The following RRAGD variants were observed in gnomAD, a reference collection of about 807,000 sequenced individuals.
RRAGD encodes the protein ras-related GTP-binding protein D.
In RRAGD, 12 loss-of-function variants were observed where a neutral mutation model predicts 35.5. That is an observed-to-expected ratio of 0.34 (90% CI 0.22 to 0.55). RRAGD has a LOEUF of 0.55. Ranked by LOEUF, RRAGD falls within the 20% of genes least tolerant of loss-of-function variation. RRAGD has a pLI of 0.91. For missense variants in RRAGD, 324 were observed against 490.1 expected, an observed-to-expected ratio of 0.66 and a Z score of 3.20; for synonymous variants, 155 against 178.9, an observed-to-expected ratio of 0.87 and a Z score of 1.07.
At position 89,389,371 on chromosome 6, in the gene RRAGD, C is replaced by T. The variant is rs552086323; in HGVS notation, c.149-1781G>A. Reference sequence around the variant, plus strand: ...CAGATCAAGACCACCCTGGCTAACACGGTGAAACTCCATCTCTACTAAAAA... The same window carrying T: ...CAGATCAAGACCACCCTGGCTAACATGGTGAAACTCCATCTCTACTAAAAA... On this transcript the variant is annotated intron_variant, in intron 1 of 6. Coordinates refer to ENST00000369415, the MANE Select transcript of RRAGD (RefSeq NM_021244.5). 3.4e-4 allele frequency among the ~76,000 whole-genome samples: 51 copies of T among 151,878 alleles called. 1 individual carries two copies. The highest frequency in any genetic ancestry group is 5.7e-4 in the Non-Finnish European group (39 of 67,964).
chr6:89,385,903 A>G lies in RRAGD; in HGVS notation c.444+1392T>C, dbSNP rs75091375. 8.3e-3 allele frequency among the ~76,000 whole-genome samples: 1,271 copies of G among 152,272 alleles called. 16 individuals carry two copies. The highest frequency in any genetic ancestry group is 0.029 in the African/African-American group (1,196 of 41,548). ...GAATGAACTTACGATCCTCTCAGGC[A>G]TGGGGAGTCTACTCAGAGGATGGTT... is the stretch of plus-strand genomic sequence containing the variant. On this transcript the variant is annotated intron_variant, in intron 2 of 6. Transcript: ENST00000369415.
chr6:89,371,835 CT>C (rs1021471553), intron 6 of RRAGD, among the ~76,000 whole-genome samples: 27 of 152,232 alleles, frequency 1.8e-4, no homozygotes, highest in Middle Eastern at 3.4e-3. Flanking sequence ...AGTTTAATTG[CT>C]TTTGTTTCAA....
At chr6:89,390,570 C>T (rs1282192363) in intron 1 of RRAGD, among the ~76,000 whole-genome samples, 2 of 152,182 alleles carry the variant, frequency 1.3e-5, no homozygotes, top group South Asian at 2.1e-4. Flanking sequence ...GGTGGGAATA[C>T]AAAATGTTGC....
chr6:89,368,331 A>C (rs1768793764), intron 6 of RRAGD, 124 bp from the exon 7 acceptor site: 3 of 729,234 alleles, frequency 4.1e-6, no homozygotes, highest in African/African-American at 1.8e-5. Context: ...TAAGGACCAG[A>C]GATTTCCCTG....
chr6:89,407,970 G>C (rs1023970815), intron 1 of RRAGD, among the ~76,000 whole-genome samples: 8 of 152,096 alleles, frequency 5.3e-5, no homozygotes, highest in Non-Finnish European at 5.9e-5. Context: ...TAAAACATCT[G>C]ATATAGAAAG....
chr6:89,405,411 T>C (rs1769559996), intron 1 of RRAGD, among the ~76,000 whole-genome samples: 1 of 145,080 alleles, frequency 6.9e-6, no homozygotes, highest in African/African-American at 2.6e-5. Context: ...GCAAATGGAA[T>C]GGTTGAAAAA....
chr6:89,411,828 CG>C lies in RRAGD; in HGVS notation c.148+17del, dbSNP rs776800597. ...AGGAAAGGGGCGCGAGCCGAGGACG[CG>C]GGGGCCGGGCGCTCACCTCCCTCCT... is the stretch of plus-strand genomic sequence containing the variant. On this transcript the variant is annotated intron_variant, in intron 1 of 6. Coordinates refer to ENST00000369415, the MANE Select transcript of RRAGD (RefSeq NM_021244.5). This position sits in a 1 kb window ranked among gnomAD's most constrained non-coding sequence, Gnocchi z 5.6. 1.9e-5 allele frequency: 30 copies of C among 1,543,594 alleles called. No homozygotes were observed. The South Asian group carries it at 3.3e-4, about 17-fold the overall frequency.
At chr6:89,409,859 G>A (rs1562470805) in intron 1 of RRAGD, among the ~76,000 whole-genome samples, 1 of 152,202 alleles carries the variant, frequency 6.6e-6, no homozygotes, top group Non-Finnish European at 1.5e-5. Flanking sequence ...AGGCCCAGGT[G>A]GACAGAGACC....
At chr6:89,399,253 T>A (rs568096258) in intron 1 of RRAGD, among the ~76,000 whole-genome samples, 3 of 152,184 alleles carry the variant, frequency 2.0e-5, no homozygotes, top group African/African-American at 7.2e-5. Flanking sequence ...TATGTATGCA[T>A]GTTTACATAC....
rs1034645192 is a variant in RRAGD at position 89,366,254 on chromosome 6, A to C, written c.*1802T>G. 6.6e-6 allele frequency: 1 copy of C among 152,336 alleles called. No individual in the cohort carries two copies. Among genetic ancestry groups the C allele is most frequent in the African/African-American group, 2.4e-5 (1 of 41,434 alleles). The allele number at this position is 152,336 out of a possible 1,614,324, so 9.4% of individuals were successfully genotyped here. A position where few individuals can be genotyped will look rare whatever the true frequency, so the allele number is the denominator to read the frequency against. On this transcript the variant is annotated 3_prime_UTR_variant, in exon 7 of 7. Coordinates refer to ENST00000369415, the MANE Select transcript of RRAGD (RefSeq NM_021244.5). The stretch of plus-strand genomic sequence containing the variant: ...AGAAGTGGGAAAGTTTAGGCTGGGC[A>C]CAGTAGCTCAGGCCTGTAATCTCAG...
rs1582530307 is a variant in RRAGD, at chr6:89,412,008, G to A, written c.-15C>T. ...ACCTGGCTCATCGTGCCCACCGGCC[G>A]GCCGGCCCGGGGACGGCGGGGGTCC... On this transcript the variant is annotated 5_prime_UTR_variant, in exon 1 of 7. Transcript: ENST00000369415. The surrounding 1 kb of genome is among the most constrained non-coding windows in gnomAD (Gnocchi z 4.2). 1.3e-6 allele frequency: 2 copies of A among 1,524,086 alleles called. No homozygotes were observed. Among genetic ancestry groups the A allele is most frequent in the South Asian group, 1.2e-5 (1 of 82,860 alleles). 94.4% of individuals were successfully genotyped at this position (1,524,086 alleles called of 1,614,324 possible). A position where few individuals can be genotyped will look rare whatever the true frequency, so the allele number is the denominator to read the frequency against.
intron 6 of RRAGD, among the ~76,000 whole-genome samples, chr6:89,368,775 T>C (rs1409307533): frequency 6.6e-6 from 1 of 152,206 alleles, no homozygotes; most frequent in African/African-American, 2.4e-5. Context: ...GACACTCAGC[T>C]TTTCAGTATT....
intron 4 of RRAGD, among the ~76,000 whole-genome samples, chr6:89,378,502 G>A (rs570892999): frequency 2.0e-5 from 3 of 152,204 alleles, no homozygotes; most frequent in Non-Finnish European, 4.4e-5. Flanking sequence ...CAGAGTAAAC[G>A]TGAGTATAAC....
At chr6:89,398,527 A>T (rs1191193784) in intron 1 of RRAGD, among the ~76,000 whole-genome samples, 1 of 152,272 alleles carries the variant, frequency 6.6e-6, no homozygotes, top group East Asian at 1.9e-4. Flanking sequence ...AAAGTACTGC[A>T]GAATTTGGAT....
chr6:89,403,540 A>G lies in RRAGD; in HGVS notation c.148+8306T>C, dbSNP rs780402538. Among the ~76,000 whole-genome samples the G allele has an allele frequency of 6.2e-4, 94 of 151,946 alleles. 1 individual carries two copies. The highest frequency in any genetic ancestry group is 1.2e-3 in the Non-Finnish European group (82 of 67,982). ...AGAACCTTTATGTCTGTGGAATACT[A>G]TAAGGCAACAAAGTGTTCTTTATCT... On this transcript the variant is annotated intron_variant, in intron 1 of 6. Transcript: ENST00000369415.
intron 3 of RRAGD, 62 bp downstream of exon 3, chr6:89,380,106 C>T (rs186227134): frequency 2.0e-5 from 30 of 1,515,544 alleles, no homozygotes; most frequent in Middle Eastern, 1.7e-4. Context: ...ATGGTGACTC[C>T]GAACCCCAAA....
At chr6:89,391,869 A>T (rs1292183298) in intron 1 of RRAGD, among the ~76,000 whole-genome samples, 1 of 149,600 alleles carries the variant, frequency 6.7e-6, no homozygotes. Flanking sequence ...AGGCAGAAGG[A>T]TCCCTTGAGC....
chr6:89,392,797 A>T lies in RRAGD; in HGVS notation c.149-5207T>A, dbSNP rs191939536. ...ATATTTCAGATAAGACAATGACTGA[A>T]TAAAGAAAAATTAAGCAGGTACAGA... On this transcript the variant is annotated intron_variant, in intron 1 of 6. Coordinates refer to ENST00000369415, the MANE Select transcript of RRAGD (RefSeq NM_021244.5). Among the ~76,000 whole-genome samples the T allele has an allele frequency of 1.8e-4, 28 of 152,336 alleles. No individual in the cohort carries two copies. In the East Asian group the frequency reaches 4.6e-3, roughly 25 times the overall value.
chr6:89,381,187 G>A (rs542174976), intron 2 of RRAGD, among the ~76,000 whole-genome samples: 1 of 152,170 alleles, frequency 6.6e-6, no homozygotes, highest in African/African-American at 2.4e-5. Flanking sequence ...ATTGGAACAT[G>A]CTCATTTGCT....
Sources: gnomAD v4.1 joint callset for allele counts (sites outside exome capture counted in the v4.1 genomes callset) on GRCh38, gnomAD v4.1.1 for gene constraint, Gnocchi (gnomAD v3.1) non-coding constraint, MANE v1.5 for transcripts, NCBI Gene and HGNC (gene_info 2026-07-23, HGNC 2026-07-21) for gene names.